The following CSMD1 variants were observed in gnomAD, a reference collection of about 807,000 sequenced individuals.
The protein encoded by CSMD1 is CUB and sushi domain-containing protein 1.
Under a neutral mutation model 417.5 loss-of-function variants are expected in CSMD1, and 213 were observed. The observed-to-expected ratio is 0.51, with a 90% CI of 0.46 to 0.57. The LOEUF is 0.57. Ranked by LOEUF, CSMD1 falls within the 20% of genes least tolerant of loss-of-function variation. The probability of loss-of-function intolerance (pLI) is 0.00; values close to 1 mark genes in which losing one functional copy is unlikely to be tolerated. For missense variants in CSMD1, 6,923 were observed against 4,529.7 expected (o/e 1.53, Z -15.17); for synonymous variants, 2,862 against 1,736.8 (o/e 1.65, Z -16.11).
intron 1 of CSMD1, among the ~76,000 whole-genome samples, chr8:4,908,428 C>T (rs1178996533): frequency 2.6e-5 from 4 of 152,130 alleles, no homozygotes; most frequent in African/African-American, 4.8e-5. Context: ...CCAGTATATT[C>T]CTCAAATCTA....
At chr8:3,205,360 G>T in intron 31 of CSMD1, 144 bp downstream of exon 31, 2 of 563,844 alleles carry the variant, frequency 3.5e-6, no homozygotes, top group Non-Finnish European at 6.3e-6. Flanking sequence ...GGATATGTTT[G>T]GAAGGCCTGC....
At chr8:4,946,246 G>C (rs1808363059) in intron 1 of CSMD1, among the ~76,000 whole-genome samples, 1 of 152,194 alleles carries the variant, frequency 6.6e-6, no homozygotes, top group South Asian at 2.1e-4. Flanking sequence ...CGTTCTCAGA[G>C]ACTGATGCTT....
At chr8:4,156,144 C>A (rs915161366) in intron 3 of CSMD1, among the ~76,000 whole-genome samples, 3 of 152,166 alleles carry the variant, frequency 2.0e-5, no homozygotes, top group African/African-American at 4.8e-5. Flanking sequence ...CTGCCTCACA[C>A]CACCCAGAGG....
chr8:3,848,742 G>A (rs540900677), intron 5 of CSMD1, among the ~76,000 whole-genome samples: 1 of 151,998 alleles, frequency 6.6e-6, no homozygotes, highest in African/African-American at 2.4e-5. Flanking sequence ...AGGTGGTCCT[G>A]AACTACATGT....
intron 7 of CSMD1, among the ~76,000 whole-genome samples, chr8:3,650,966 T>C (rs576389388): frequency 1.3e-5 from 2 of 152,322 alleles, no homozygotes; most frequent in South Asian, 4.1e-4. Flanking sequence ...TATTTCCCTA[T>C]AGTAAACACC....
In CSMD1 at chr8:3,571,514, T is replaced by A. The variant is rs144720108; in HGVS notation, c.1344+3431A>T. ...GACTCCTCTGCGACAGAAGCAAGAA[T>A]GCTCACCTGCCTCGAGTTTGACTCT... On this transcript the variant is annotated intron_variant, in intron 10 of 69. Coordinates refer to ENST00000635120, the MANE Select transcript of CSMD1 (RefSeq NM_033225.6). 2.5e-3 allele frequency among the ~76,000 whole-genome samples: 383 copies of A among 152,286 alleles called. 4 individuals are homozygous for A. The highest frequency in any genetic ancestry group is 8.9e-3 in the African/African-American group (369 of 41,548).
At chr8:4,612,368 A>G (rs1162815132) in intron 2 of CSMD1, among the ~76,000 whole-genome samples, 1 of 152,174 alleles carries the variant, frequency 6.6e-6, no homozygotes, top group Non-Finnish European at 1.5e-5. Flanking sequence ...AACAAGAGGA[A>G]TGGTTTTCCA....
intron 50 of CSMD1, among the ~76,000 whole-genome samples, chr8:3,030,284 T>C (rs1810258060): frequency 6.6e-6 from 1 of 152,022 alleles, no homozygotes; most frequent in South Asian, 2.1e-4. Flanking sequence ...AAGTGCAAGA[T>C]GATTTAAAAT....
intron 52 of CSMD1, among the ~76,000 whole-genome samples, chr8:3,004,396 G>C (rs551984420): frequency 1.3e-5 from 2 of 152,254 alleles, no homozygotes; most frequent in South Asian, 2.1e-4. Context: ...TCCTATTAAA[G>C]TGTGGAAGGA....
intron 1 of CSMD1, among the ~76,000 whole-genome samples, chr8:4,840,760 C>G (rs1222838890): frequency 2.0e-5 from 3 of 152,128 alleles, no homozygotes; most frequent in Non-Finnish European, 2.9e-5. Context: ...CACTAATAGA[C>G]AAAACTATTA....
intron 5 of CSMD1, among the ~76,000 whole-genome samples, chr8:3,872,839 C>CAAAA (rs59622954): frequency 7.6e-6 from 1 of 131,378 alleles, no homozygotes; most frequent in African/African-American, 2.8e-5. Context: ...AAGACAGCTC[C>CAAAA]AAAAAAAAAA....
intron 1 of CSMD1, among the ~76,000 whole-genome samples, chr8:4,687,078 G>T (rs977177894): frequency 1.3e-5 from 2 of 152,186 alleles, no homozygotes; most frequent in Non-Finnish European, 2.9e-5. Flanking sequence ...AGGCGAGCCG[G>T]CCCCTGTGCA....
At chr8:4,929,689 T>A (rs909620502) in intron 1 of CSMD1, among the ~76,000 whole-genome samples, 3 of 152,208 alleles carry the variant, frequency 2.0e-5, no homozygotes, top group African/African-American at 7.2e-5. Flanking sequence ...CTTCAGCTTC[T>A]GTTTTATTTT....
At chr8:4,662,850 C>G (rs966502195) in intron 1 of CSMD1, among the ~76,000 whole-genome samples, 1 of 152,124 alleles carries the variant, frequency 6.6e-6, no homozygotes, top group Non-Finnish European at 1.5e-5. Context: ...GGACACTTGT[C>G]ATGGTGTGGA....
At chr8:4,744,396 G>A (rs1810817880) in intron 1 of CSMD1, among the ~76,000 whole-genome samples, 1 of 152,104 alleles carries the variant, frequency 6.6e-6, no homozygotes, top group Non-Finnish European at 1.5e-5. Context: ...CAACCTCTCA[G>A]TTCGGTTCTA....
At chr8:4,437,768 A>T (rs1366195829) in intron 2 of CSMD1, among the ~76,000 whole-genome samples, 1 of 152,116 alleles carries the variant, frequency 6.6e-6, no homozygotes, top group African/African-American at 2.4e-5. Flanking sequence ...GTGAAGACAG[A>T]GATCTTTGAG....
intron 8 of CSMD1, among the ~76,000 whole-genome samples, chr8:3,588,755 C>T (rs920028860): frequency 6.1e-5 from 9 of 147,700 alleles, no homozygotes; most frequent in Non-Finnish European, 1.1e-4. Context: ...AAAACCCTTA[C>T]GCACAGTAAA....
intron 3 of CSMD1, among the ~76,000 whole-genome samples, chr8:4,418,471 G>C (rs1409631656): frequency 6.6e-6 from 1 of 151,994 alleles, no homozygotes; most frequent in Non-Finnish European, 1.5e-5. Flanking sequence ...CATTAATTTT[G>C]GGAATCTAAC....
chr8:4,132,965 G>T (rs908498056), intron 3 of CSMD1, among the ~76,000 whole-genome samples: 1 of 151,958 alleles, frequency 6.6e-6, no homozygotes, highest in Non-Finnish European at 1.5e-5. Context: ...ATGGAGTCTC[G>T]CTCTGTTATC....
Sources: allele counts gnomAD v4.1 joint callset (sites outside exome capture counted in the v4.1 genomes callset), GRCh38; gene constraint gnomAD v4.1.1; transcripts MANE v1.5; gene names NCBI Gene and HGNC (gene_info 2026-07-23, HGNC 2026-07-21).